The following NEK10 variants were observed in gnomAD, a reference collection of about 807,000 sequenced individuals.
NEK10 encodes NIMA related kinase 10, also known as serine/threonine-protein kinase Nek10.
Under a neutral mutation model 159.8 loss-of-function variants are expected in NEK10, and 122 were observed. The ratio of observed to expected loss-of-function variants is 0.76; its 90% CI spans 0.66 to 0.89. The LOEUF (loss-of-function observed/expected upper bound fraction) is 0.89. Among genes scored for constraint, NEK10 ranks in the 40% least tolerant of loss-of-function variants. NEK10 has a pLI of 0.00. For missense variants in NEK10, 1,342 were observed against 1,323.1 expected, an observed-to-expected ratio of 1.01 and a Z score of -0.22; for synonymous variants, 466 against 457.1, an observed-to-expected ratio of 1.02 and a Z score of -0.25.
intron 8 of NEK10, 144 bp downstream of exon 8, chr3:27,311,955 A>G: frequency 3.1e-6 from 2 of 648,804 alleles, no homozygotes; most frequent in Non-Finnish European, 5.6e-6. Flanking sequence ...ACTGAATATA[A>G]CAATTGGCCT....
At chr3:27,171,937 T>G in intron 28 of NEK10, 64 bp from the exon 29 acceptor site, 1 of 1,519,174 alleles carries the variant, frequency 6.6e-7, no homozygotes, top group Non-Finnish European at 9.0e-7. Flanking sequence ...TTTTTTATGT[T>G]TTAATAAAAC....
intron 29 of NEK10, among the ~76,000 whole-genome samples, chr3:27,164,264 A>T (rs1197765057): frequency 2.0e-5 from 3 of 152,210 alleles, no homozygotes; most frequent in Non-Finnish European, 4.4e-5. Context: ...TGTAGGCAGG[A>T]CAGCCCCAGG....
chr3:27,339,915 G>A (rs756975703), intron 5 of NEK10, among the ~76,000 whole-genome samples: 2 of 152,182 alleles, frequency 1.3e-5, no homozygotes, highest in Non-Finnish European at 2.9e-5. Context: ...TGGTGGGAGT[G>A]TAAATCAGTT....
intron 23 of NEK10, among the ~76,000 whole-genome samples, chr3:27,222,071 T>A (rs1234271530): frequency 6.6e-6 from 1 of 152,114 alleles, no homozygotes; most frequent in Non-Finnish European, 1.5e-5. Flanking sequence ...GTAACATTAT[T>A]TCTTCAAAAA....
intron 26 of NEK10, among the ~76,000 whole-genome samples, chr3:27,178,055 G>A (rs1947703757): frequency 2.0e-5 from 3 of 152,112 alleles, no homozygotes; most frequent in African/African-American, 7.2e-5. Context: ...GCGGCAAGGA[G>A]AATACAACGC....
intron 29 of NEK10, among the ~76,000 whole-genome samples, chr3:27,171,008 C>A (rs1422941830): frequency 6.6e-6 from 1 of 152,118 alleles, no homozygotes; most frequent in Non-Finnish European, 1.5e-5. Flanking sequence ...AGGTCCTTTT[C>A]CATCAAACAT....
At chr3:27,225,449 A>C (rs139396342) in intron 23 of NEK10, among the ~76,000 whole-genome samples, 74 of 152,360 alleles carry the variant, frequency 4.9e-4, no homozygotes, top group African/African-American at 1.7e-3. Flanking sequence ...GAGAATGTGC[A>C]CATAATGTCC....
intron 30 of NEK10, among the ~76,000 whole-genome samples, chr3:27,158,896 A>G (rs149271487): frequency 6.6e-6 from 1 of 152,340 alleles, no homozygotes; most frequent in East Asian, 1.9e-4. Flanking sequence ...TTTCACAAAT[A>G]TATATCATTT....
intron 35 of NEK10, among the ~76,000 whole-genome samples, chr3:27,111,992 T>C (rs185392675): frequency 6.6e-6 from 1 of 152,202 alleles, no homozygotes. Context: ...TAACTTTCTT[T>C]ACACAGCTTT....
chr3:27,215,017 G>C, intron 23 of NEK10: 1 of 630,832 alleles, frequency 1.6e-6, no homozygotes, highest in Non-Finnish European at 3.0e-6. Flanking sequence ...CTCCAACTCC[G>C]ACCTGTTCCC....
At chr3:27,272,109 G>T (rs1027928017) in intron 22 of NEK10, among the ~76,000 whole-genome samples, 1 of 152,146 alleles carries the variant, frequency 6.6e-6, no homozygotes, top group Non-Finnish European at 1.5e-5. Flanking sequence ...TTGAAATACT[G>T]TATAGATGCA....
chr3:27,184,931 A>G (rs938839300), intron 26 of NEK10, among the ~76,000 whole-genome samples: 1 of 152,222 alleles, frequency 6.6e-6, no homozygotes, highest in Non-Finnish European at 1.5e-5. Flanking sequence ...AAAGCAACCC[A>G]GATAAATAAA....
chr3:27,300,173 C>G (rs543109362), intron 13 of NEK10, among the ~76,000 whole-genome samples: 1 of 152,144 alleles, frequency 6.6e-6, no homozygotes, highest in Non-Finnish European at 1.5e-5. Context: ...ATGGGAGGAA[C>G]CCAGTGAGAG....
chr3:27,339,164 T>A (rs934911177), intron 5 of NEK10, among the ~76,000 whole-genome samples: 1 of 152,208 alleles, frequency 6.6e-6, no homozygotes, highest in Non-Finnish European at 1.5e-5. Context: ...TAGTCTCCTT[T>A]GCTGTGCAGA....
intron 5 of NEK10, among the ~76,000 whole-genome samples, chr3:27,323,219 C>T (rs545885358): frequency 6.6e-6 from 1 of 152,280 alleles, no homozygotes; most frequent in South Asian, 2.1e-4. Flanking sequence ...AACAGTGGGG[C>T]TCTGGAATGT....
intron 22 of NEK10, among the ~76,000 whole-genome samples, chr3:27,261,456 A>G (rs2040406120): frequency 6.6e-6 from 1 of 152,110 alleles, no homozygotes; most frequent in South Asian, 2.1e-4. Flanking sequence ...GAACATCTTT[A>G]TTTCTGCCTT....
At chr3:27,161,479 G>A (rs551349369) in intron 30 of NEK10, among the ~76,000 whole-genome samples, 3 of 152,272 alleles carry the variant, frequency 2.0e-5, no homozygotes, top group South Asian at 2.1e-4. Context: ...GTGAATCAAG[G>A]AAGCTGAAGT....
intron 26 of NEK10, among the ~76,000 whole-genome samples, chr3:27,182,425 A>G (rs1948214022): frequency 6.6e-6 from 1 of 152,168 alleles, no homozygotes; most frequent in Non-Finnish European, 1.5e-5. Flanking sequence ...GAAGAGACAT[A>G]TAATCCATGG....
At chr3:27,213,319 G>A (rs1951182408) in intron 23 of NEK10, among the ~76,000 whole-genome samples, 1 of 152,192 alleles carries the variant, frequency 6.6e-6, no homozygotes, top group South Asian at 2.1e-4. Flanking sequence ...GTTTCAGAGA[G>A]AGGAACTTTA....
Sources: allele counts gnomAD v4.1 joint callset (sites outside exome capture counted in the v4.1 genomes callset), GRCh38; gene constraint gnomAD v4.1.1; transcripts MANE v1.5; gene names NCBI Gene and HGNC (gene_info 2026-07-23, HGNC 2026-07-21).